Variants in NAALADL2 observed in about 807,000 individuals in gnomAD.
NAALADL2 encodes N-acetylated alpha-linked acidic dipeptidase like 2, also known as inactive N-acetylated-alpha-linked acidic dipeptidase-like protein 2.
NAALADL2 carries 76 observed loss-of-function variants against 87.2 expected under a neutral mutation model. That is an observed-to-expected ratio of 0.87 (90% CI 0.72 to 1.05). NAALADL2 has a LOEUF of 1.05. Ranked by LOEUF, NAALADL2 falls within the 50% of genes least tolerant of loss-of-function variation. The pLI is 0.00. For synonymous variants in NAALADL2, 354 were observed against 331.0 expected (o/e 1.07, Z -0.75); for missense variants, 1,089 against 945.8 (o/e 1.15, Z -1.99).
Position 175,785,552 on chromosome 3 carries a change from G to T in NAALADL2, c.2190-17453G>T, listed in dbSNP as rs1271779983. Among the ~76,000 whole-genome samples the T allele has an allele frequency of 3.0e-5, 4 of 135,460 alleles. No homozygotes were observed. In the Admixed American group the frequency reaches 3.0e-4, roughly 10 times the overall value. The allele number at this position is 135,460 out of a possible 152,430, so 88.9% of individuals were successfully genotyped here. A position where few individuals can be genotyped will look rare whatever the true frequency, so the allele number is the denominator to read the frequency against. On this transcript the variant is annotated intron_variant, in intron 13 of 13. Transcript: ENST00000454872. ...CCCTGCCTTTTTTTGTTTTCCATTT[G>T]CTTGGTAGATCTTCCTCCATCCTTT...
chr3:174,903,483 A>G (rs1244067072), intron 1 of NAALADL2, among the ~76,000 whole-genome samples: 1 of 152,160 alleles, frequency 6.6e-6, no homozygotes, highest in East Asian at 1.9e-4. Context: ...GTGTTTGTCA[A>G]TCCCACCTTT....
Position 175,576,101 on chromosome 3 carries a change from C to T in NAALADL2, c.1714C>T (p.Gln572Ter). 6.2e-7 allele frequency: 1 copy of T among 1,613,266 alleles called. No homozygotes were observed. The highest frequency in any genetic ancestry group is 8.5e-7 in the Non-Finnish European group (1 of 1,179,268). Residue 572 changes from glutamine to a stop codon, truncating the protein, a stop_gained, in exon 10 of 14, where the codon CAG becomes TAG. Coordinates refer to ENST00000454872, the MANE Select transcript of NAALADL2 (RefSeq NM_207015.3). LOFTEE classifies it high-confidence loss of function. ...QCPETNISSIQIQGDADYFIN... is the reference protein window; with the variant it reads ...QCPETNISSI ...CCCAGAAACCAATATCAGTTCTATA[C>T]AGATACAAGGTGATGCTGATTATTT...
intron 2 of NAALADL2, among the ~76,000 whole-genome samples, chr3:174,664,075 C>T (rs1272030266): frequency 3.3e-5 from 5 of 152,112 alleles, no homozygotes; most frequent in Admixed American, 3.3e-4. Flanking sequence ...AGGCGTGAGC[C>T]ACCACGCCTG....
chr3:174,821,936 A>G (rs934773916), intron 3 of NAALADL2, among the ~76,000 whole-genome samples: 2 of 152,214 alleles, frequency 1.3e-5, no homozygotes, highest in African/African-American at 4.8e-5. Flanking sequence ...AGGTATTTTT[A>G]GAAGCACTGA....
At chr3:174,473,399 T>C (rs1358944667) in intron 1 of NAALADL2, among the ~76,000 whole-genome samples, 5 of 152,170 alleles carry the variant, frequency 3.3e-5, no homozygotes, top group African/African-American at 1.2e-4. Flanking sequence ...CACCATCACA[T>C]TTTCATCTTC....
intron 2 of NAALADL2, among the ~76,000 whole-genome samples, chr3:175,220,365 ATAT>A (rs1439520200): frequency 6.6e-6 from 1 of 151,832 alleles, no homozygotes; most frequent in Non-Finnish European, 1.5e-5. Flanking sequence ...GAAGGATATA[ATAT>A]TATAATTAAC....
intron 5 of NAALADL2, among the ~76,000 whole-genome samples, chr3:175,399,571 G>T (rs1370284971): frequency 6.6e-6 from 1 of 152,088 alleles, no homozygotes; most frequent in African/African-American, 2.4e-5. Flanking sequence ...CATGGCATTT[G>T]TAAACTGTCA....
intron 2 of NAALADL2, among the ~76,000 whole-genome samples, chr3:174,564,720 T>C (rs140242639): frequency 2.6e-5 from 4 of 152,104 alleles, no homozygotes; most frequent in Non-Finnish European, 5.9e-5. Flanking sequence ...TCCTAATGAA[T>C]TTAGTGATTT....
At chr3:174,611,233 T>A (rs544714494) in intron 2 of NAALADL2, among the ~76,000 whole-genome samples, 2 of 151,582 alleles carry the variant, frequency 1.3e-5, no homozygotes, top group African/African-American at 4.8e-5. Context: ...AGTTAATGGG[T>A]GCAGCACACC....
chr3:174,868,480 A>G (rs780055008), intron 1 of NAALADL2, among the ~76,000 whole-genome samples: 16 of 152,164 alleles, frequency 1.1e-4, no homozygotes, highest in South Asian at 4.1e-4. Flanking sequence ...TGTTCCCACA[A>G]TCATCAACAC....
chr3:174,988,679 A>G (rs766980282), intron 1 of NAALADL2, among the ~76,000 whole-genome samples: 18 of 152,276 alleles, frequency 1.2e-4, no homozygotes, highest in Middle Eastern at 3.4e-3. Flanking sequence ...TTGGCTTGTG[A>G]CAGCATAACT....
chr3:175,768,238 T>G (rs1272889186), intron 13 of NAALADL2, among the ~76,000 whole-genome samples: 1 of 152,182 alleles, frequency 6.6e-6, no homozygotes, highest in East Asian at 1.9e-4. Context: ...CTTCATATAC[T>G]CGATGCATAT....
intron 10 of NAALADL2, among the ~76,000 whole-genome samples, chr3:175,588,731 G>C (rs142741904): frequency 4.0e-5 from 6 of 151,724 alleles, no homozygotes; most frequent in Non-Finnish European, 8.8e-5. Context: ...GTAGAGATGG[G>C]GTTTCACCGT....
chr3:174,463,396 C>A (rs1453691101), intron 1 of NAALADL2, among the ~76,000 whole-genome samples: 1 of 152,056 alleles, frequency 6.6e-6, no homozygotes, highest in African/African-American at 2.4e-5. Context: ...AGTCAAGCTT[C>A]ACAAGAAGAC....
chr3:175,140,532 C>A (rs66997616), intron 2 of NAALADL2, among the ~76,000 whole-genome samples: 54,424 of 151,884 alleles, frequency 0.36, 11,056 homozygotes, highest in East Asian at 0.56. Flanking sequence ...ATCCAAAAAA[C>A]AATAATTTGG....
intron 2 of NAALADL2, among the ~76,000 whole-genome samples, chr3:174,625,057 C>CTCTCTCTTTTT (rs748895219): frequency 3.8e-5 from 3 of 78,846 alleles, no homozygotes; most frequent in Admixed American, 2.0e-4. Context: ...CTCTCTCTCT[C>CTCTCTCTTTTT]TTTTTTTTTT....
chr3:175,706,206 T>G (rs767936145), intron 11 of NAALADL2, among the ~76,000 whole-genome samples: 5 of 152,108 alleles, frequency 3.3e-5, no homozygotes, highest in African/African-American at 1.2e-4. Context: ...ATATCTGTCT[T>G]ATAAGTATGC....
chr3:174,625,057 C>CTCTCTT lies in NAALADL2; in HGVS notation c.-115+74421_-115+74422insCTCTTT, dbSNP rs748895219. On this transcript the variant is annotated intron_variant, in intron 2 of 3. Coordinates refer to the NAALADL2 transcript ENST00000434257. The stretch of plus-strand genomic sequence containing the variant: ...TATTTATTGCTATCTCTCTCTCTCT[C>CTCTCTT]TTTTTTTTTTTTTTTTTTTGAGACA... 2.3e-3 allele frequency among the ~76,000 whole-genome samples: 178 copies of CTCTCTT among 78,852 alleles called. 3 individuals are homozygous for CTCTCTT. Among genetic ancestry groups the CTCTCTT allele is most frequent in the Non-Finnish European group, 2.9e-3 (132 of 45,144 alleles). The allele number at this position is 78,852 out of a possible 152,430, so 51.7% of individuals were successfully genotyped here. A position where few individuals can be genotyped will look rare whatever the true frequency, so the allele number is the denominator to read the frequency against.
At chr3:175,494,731 G>A (rs372265280) in intron 9 of NAALADL2, among the ~76,000 whole-genome samples, 8 of 152,066 alleles carry the variant, frequency 5.3e-5, no homozygotes, top group African/African-American at 1.2e-4. Context: ...TGGACCTATC[G>A]TCTGCTGTCC....
Sources: gnomAD v4.1 joint callset for allele counts (sites outside exome capture counted in the v4.1 genomes callset) on GRCh38, gnomAD v4.1.1 for gene constraint, MANE v1.5 for transcripts, NCBI Gene and HGNC (gene_info 2026-07-23, HGNC 2026-07-21) for gene names.